The following KCNMA1 variants were observed in gnomAD, a reference collection of about 807,000 sequenced individuals.
KCNMA1 encodes potassium calcium-activated channel subfamily M alpha 1, also known as Calcium-activated potassium channel subunit alpha-1.
Under a neutral mutation model 140.0 loss-of-function variants are expected in KCNMA1, and 29 were observed. The observed-to-expected ratio is 0.21, with a 90% CI of 0.15 to 0.28. The LOEUF (loss-of-function observed/expected upper bound fraction) is 0.28. Ranked by LOEUF, KCNMA1 falls within the 10% of genes least tolerant of loss-of-function variation. The pLI, the probability that KCNMA1 is intolerant of heterozygous loss-of-function variation, is 1.00. For synonymous variants in KCNMA1, 612 were observed against 611.9 expected (o/e 1.00, Z 0.00); for missense variants, 880 against 1,602.2 (o/e 0.55, Z 7.70).
chr10:77,242,902 ACACACACACACACACAC>A (rs2057641030), intron 3 of KCNMA1, among the ~76,000 whole-genome samples: 5 of 127,750 alleles, frequency 3.9e-5, no homozygotes, highest in Non-Finnish European at 7.3e-5. Flanking sequence ...TGTTTCCTAC[ACACACACACACACACAC>A]ACACACACAC....
At chr10:77,099,512 C>T (rs542045095) in intron 9 of KCNMA1, among the ~76,000 whole-genome samples, 75 of 152,170 alleles carry the variant, frequency 4.9e-4, no homozygotes, top group African/African-American at 1.6e-3. Context: ...GTCAGGAGTT[C>T]GAGACCAGCC....
intron 2 of KCNMA1, among the ~76,000 whole-genome samples, chr10:77,290,980 G>A (rs748872912): frequency 1.1e-4 from 17 of 152,212 alleles, no homozygotes; most frequent in Non-Finnish European, 2.1e-4. Flanking sequence ...CACCAGACAT[G>A]CAGCATTCTT....
intron 5 of KCNMA1, among the ~76,000 whole-genome samples, chr10:77,142,590 A>C (rs1426882381): frequency 6.6e-6 from 1 of 152,114 alleles, no homozygotes; most frequent in African/African-American, 2.4e-5. Context: ...TGGTGATGGC[A>C]ATTTTTTTAG....
At chr10:77,412,559 C>A (rs2096642976) in intron 1 of KCNMA1, among the ~76,000 whole-genome samples, 1 of 152,186 alleles carries the variant, frequency 6.6e-6, no homozygotes, top group African/African-American at 2.4e-5. Flanking sequence ...AGTCACCTAA[C>A]CTCTCTGAGA....
At chr10:76,988,465 C>T (rs779120927) in intron 19 of KCNMA1, among the ~76,000 whole-genome samples, 3 of 152,054 alleles carry the variant, frequency 2.0e-5, no homozygotes, top group Non-Finnish European at 4.4e-5. Flanking sequence ...AAGTTCAAGG[C>T]TGCAGTGAAC....
chr10:77,631,162 A>G (rs2093163940), intron 1 of KCNMA1, among the ~76,000 whole-genome samples: 1 of 149,924 alleles, frequency 6.7e-6, no homozygotes, highest in South Asian at 2.1e-4. Flanking sequence ...GACACTCTCC[A>G]GTCCTTGGAG....
In KCNMA1 at chr10:76,885,911, T is replaced by C. The variant is rs376108091; in HGVS notation, c.*1355A>G. 1 of 985,424 alleles carries C rather than the reference T, an allele frequency of 1.0e-6. No individual in the cohort carries two copies. Among genetic ancestry groups the C allele is most frequent in the Non-Finnish European group, 1.2e-6 (1 of 829,920 alleles). The allele number at this position is 985,424 out of a possible 1,614,324, so 61.0% of individuals were successfully genotyped here. ...TTGGCTCACTGTTGCACTCTTCTTA[T>C]CCCACGTCTCATAATGACAAGGAGC... is the stretch of plus-strand genomic sequence containing the variant. On this transcript the variant is annotated 3_prime_UTR_variant, in exon 28 of 28. Coordinates refer to ENST00000286628, the MANE Select transcript of KCNMA1 (RefSeq NM_001161352.2).
At chr10:77,236,892 G>C (rs1436646696) in intron 3 of KCNMA1, among the ~76,000 whole-genome samples, 1 of 152,198 alleles carries the variant, frequency 6.6e-6, no homozygotes, top group Non-Finnish European at 1.5e-5. Context: ...CCATACTCTT[G>C]ACTCAGCCTC....
intron 3 of KCNMA1, among the ~76,000 whole-genome samples, chr10:77,188,887 C>T (rs1483542520): frequency 5.3e-5 from 8 of 152,114 alleles, no homozygotes; most frequent in Non-Finnish European, 1.0e-4. Context: ...GCAGTTGTTC[C>T]TCTGGGCATC....
intron 15 of KCNMA1, among the ~76,000 whole-genome samples, chr10:77,033,142 T>C (rs894285732): frequency 5.9e-5 from 9 of 152,070 alleles, no homozygotes; most frequent in South Asian, 2.1e-4. Flanking sequence ...TAGATACGGA[T>C]ACAAACACTG....
chr10:77,420,701 T>C (rs1340017485), intron 1 of KCNMA1, among the ~76,000 whole-genome samples: 1 of 151,998 alleles, frequency 6.6e-6, no homozygotes, highest in Non-Finnish European at 1.5e-5. Flanking sequence ...TATATCAGGG[T>C]CCAAGAGCAC....
intron 9 of KCNMA1, among the ~76,000 whole-genome samples, chr10:77,100,078 C>T (rs1418991415): frequency 6.6e-6 from 1 of 152,168 alleles, no homozygotes; most frequent in Non-Finnish European, 1.5e-5. Context: ...GGAAGACGCT[C>T]CTGCATACTC....
intron 23 of KCNMA1, among the ~76,000 whole-genome samples, chr10:76,937,293 C>T (rs2060815254): frequency 6.6e-6 from 1 of 152,230 alleles, no homozygotes; most frequent in South Asian, 2.1e-4. Flanking sequence ...CTCTTAACCA[C>T]TTGGCAAGTG....
chr10:77,541,288 C>T (rs960706128), intron 1 of KCNMA1, among the ~76,000 whole-genome samples: 2 of 151,790 alleles, frequency 1.3e-5, no homozygotes, highest in Non-Finnish European at 2.9e-5. Flanking sequence ...TTGTAAGAAA[C>T]ATATAGAAAA....
At chr10:77,127,802 G>A (rs11002027) in intron 5 of KCNMA1, among the ~76,000 whole-genome samples, 72,067 of 151,612 alleles carry the variant, frequency 0.48, 18,035 homozygotes, top group African/African-American at 0.57. Context: ...GTAAAACCCC[G>A]CCTCTACCAA....
chr10:77,019,202 A>G, intron 16 of KCNMA1, 103 bp from the exon 17 acceptor site: 1 of 722,852 alleles, frequency 1.4e-6, no homozygotes, highest in Non-Finnish European at 2.5e-6. Flanking sequence ...TAGGGGGCCC[A>G]CTAGTCTAAA....
At chr10:76,929,738 C>A (rs185086393) in intron 23 of KCNMA1, among the ~76,000 whole-genome samples, 7 of 152,210 alleles carry the variant, frequency 4.6e-5, no homozygotes, top group Admixed American at 4.6e-4. Flanking sequence ...TGGAGTATGG[C>A]CTGAGCATTT....
chr10:77,427,728 TATTTA>T (rs1484368892), intron 1 of KCNMA1, among the ~76,000 whole-genome samples: 1 of 143,322 alleles, frequency 7.0e-6, no homozygotes, highest in Non-Finnish European at 1.5e-5. Context: ...TTCATTTATT[TATTTA>T]TTTATTTATT....
chr10:76,876,739 C>T (rs978975664), downstream of KCNMA1: 1 of 152,154 alleles, frequency 6.6e-6, no homozygotes, highest in Non-Finnish European at 1.5e-5. Flanking sequence ...AATGACTGCC[C>T]TCTCACATCC....
Sources: allele counts gnomAD v4.1 joint callset (sites outside exome capture counted in the v4.1 genomes callset), GRCh38; gene constraint gnomAD v4.1.1; transcripts MANE v1.5; gene names NCBI Gene and HGNC (gene_info 2026-07-23, HGNC 2026-07-21).